The following PPP1R1C variants were observed in gnomAD, a reference collection of about 807,000 sequenced individuals.
PPP1R1C encodes the protein protein phosphatase 1 regulatory inhibitor subunit 1C, also known as protein phosphatase 1 regulatory subunit 1C.
A neutral mutation model predicts 17.4 loss-of-function variants in PPP1R1C; 15 were observed. The observed-to-expected ratio is 0.86, with a 90% CI of 0.58 to 1.33. The LOEUF (loss-of-function observed/expected upper bound fraction) is 1.33. Ranked by LOEUF, PPP1R1C falls within the 40% of genes most tolerant of loss-of-function variation. The pLI is 0.00. For missense variants in PPP1R1C, 143 were observed against 130.0 expected, an observed-to-expected ratio of 1.10 and a Z score of -0.48; for synonymous variants, 35 against 43.1, an observed-to-expected ratio of 0.81 and a Z score of 0.73.
intron 2 of PPP1R1C, among the ~76,000 whole-genome samples, chr2:182,030,460 G>T (rs1021420594): frequency 1.3e-5 from 2 of 150,836 alleles, no homozygotes; most frequent in Admixed American, 1.3e-4. Flanking sequence ...AGGTCTGTTG[G>T]AATACCCTGC....
intron 2 of PPP1R1C, among the ~76,000 whole-genome samples, chr2:181,998,906 T>C (rs1006823715): frequency 7.2e-5 from 11 of 152,212 alleles, no homozygotes; most frequent in Non-Finnish European, 1.5e-4. Context: ...CACCATCACA[T>C]TTCAGTGAAG....
intron 2 of PPP1R1C, among the ~76,000 whole-genome samples, chr2:182,051,527 C>A (rs182662331): frequency 3.2e-4 from 49 of 152,178 alleles, no homozygotes; most frequent in African/African-American, 1.1e-3. Context: ...TTAAAAAAAA[C>A]GGTCACGAAA....
At chr2:182,094,825 G>C (rs930912374) in intron 4 of PPP1R1C, among the ~76,000 whole-genome samples, 2 of 152,164 alleles carry the variant, frequency 1.3e-5, no homozygotes, top group Non-Finnish European at 2.9e-5. Flanking sequence ...AATGGATTAA[G>C]GTAGGCCAGG....
chr2:182,019,120 A>T (rs1276182738), intron 2 of PPP1R1C, among the ~76,000 whole-genome samples: 1 of 152,228 alleles, frequency 6.6e-6, no homozygotes, highest in African/African-American at 2.4e-5. Flanking sequence ...CAACAACTCA[A>T]CTTCAAAAAT....
At position 181,967,139 on chromosome 2, in the gene PPP1R1C, G is replaced by A. The variant is rs1241225656; in HGVS notation, n.112-8080G>A. On this transcript the variant is annotated intron_variant and non_coding_transcript_variant, in intron 1 of 5. Transcript: ENST00000464264. This position sits in a 1 kb window ranked among gnomAD's most constrained non-coding sequence, Gnocchi z 5.5. ...CATCCTTTGAATTTCTGTGTTATTT[G>A]TTGTAATGTCTTCTTTTTTGTCTCT... Among the ~76,000 whole-genome samples the A allele has an allele frequency of 3.3e-5, 5 of 152,032 alleles. No individual in the cohort carries two copies. Among genetic ancestry groups the A allele is most frequent in the Non-Finnish European group, 5.9e-5 (4 of 67,990 alleles).
intron 2 of PPP1R1C, among the ~76,000 whole-genome samples, chr2:182,011,680 T>G (rs992676919): frequency 6.6e-6 from 1 of 152,108 alleles, no homozygotes; most frequent in Non-Finnish European, 1.5e-5. Flanking sequence ...TGCTCTTGCT[T>G]TTCTAGTTCC....
intron 4 of PPP1R1C, among the ~76,000 whole-genome samples, chr2:182,095,045 C>T (rs930789912): frequency 3.9e-5 from 6 of 152,170 alleles, no homozygotes; most frequent in Non-Finnish European, 7.3e-5. Context: ...AATCCCAGCA[C>T]TCTGGGAGGC....
At chr2:182,035,787 A>G (rs893875025) in intron 2 of PPP1R1C, among the ~76,000 whole-genome samples, 1 of 152,196 alleles carries the variant, frequency 6.6e-6, no homozygotes, top group Non-Finnish European at 1.5e-5. Context: ...CTGTGAGTCA[A>G]TTAAACCTCT....
chr2:182,005,459 T>C (rs1685890529), intron 2 of PPP1R1C, among the ~76,000 whole-genome samples: 1 of 152,194 alleles, frequency 6.6e-6, no homozygotes, highest in Non-Finnish European at 1.5e-5. Flanking sequence ...GGGAGCAACA[T>C]TTTTCATTCT....
chr2:182,024,877 C>CAAACA (rs1377102092), intron 2 of PPP1R1C, among the ~76,000 whole-genome samples: 2 of 150,362 alleles, frequency 1.3e-5, no homozygotes, highest in Non-Finnish European at 3.0e-5. Context: ...AACAAACAAA[C>CAAACA]AAACAAACAA....
intron 5 of PPP1R1C, among the ~76,000 whole-genome samples, chr2:182,128,657 C>T (rs1038093322): frequency 2.6e-5 from 4 of 151,996 alleles, no homozygotes; most frequent in Non-Finnish European, 5.9e-5. Context: ...TGTATATATG[C>T]ATGTATGTAT....
downstream of PPP1R1C, among the ~76,000 whole-genome samples, chr2:182,119,053 C>G (rs550331610): frequency 1.3e-5 from 2 of 152,042 alleles, no homozygotes; most frequent in African/African-American, 4.8e-5. Context: ...ATCCCTCCCC[C>G]CACCACCCAC....
At chr2:181,973,000 G>A (rs1279899214) in intron 1 of PPP1R1C, among the ~76,000 whole-genome samples, 2 of 151,946 alleles carry the variant, frequency 1.3e-5, no homozygotes, top group Non-Finnish European at 2.9e-5. Context: ...CATATGTTAC[G>A]CTTTTTAAAA....
rs1276574256 is a variant in PPP1R1C, at chr2:182,117,354, TA to T, written c.*60del. 1 of 1,254,864 alleles carries T rather than the reference TA, an allele frequency of 8.0e-7. No individual in the cohort carries two copies. Among genetic ancestry groups the T allele is most frequent in the African/African-American group, 1.5e-5 (1 of 65,282 alleles). 77.7% of individuals were successfully genotyped at this position (1,254,864 alleles called of 1,614,324 possible). A position where few individuals can be genotyped will look rare whatever the true frequency, so the allele number is the denominator to read the frequency against. ...TAACTGAACTATTAACTTTTCTGAG[TA>T]TACCATGGAATTCCACTGCTTGACT... On this transcript the variant is annotated 3_prime_UTR_variant, in exon 5 of 5. Coordinates refer to ENST00000682840, the MANE Select transcript of PPP1R1C (RefSeq NM_001080545.3).
In PPP1R1C at chr2:182,117,452, C is replaced by T; in HGVS notation, c.*157C>T. The stretch of plus-strand genomic sequence containing the variant: ...ATGCACATCCTGGAAGTCTCCTTGA[C>T]TGAACTTTAGAACTAAGTACACATT... On this transcript the variant is annotated 3_prime_UTR_variant, in exon 5 of 5. Transcript: ENST00000682840. 1 of 564,578 alleles carries T rather than the reference C, an allele frequency of 1.8e-6. No homozygotes were observed. Among genetic ancestry groups the T allele is most frequent in the Non-Finnish European group, 3.2e-6 (1 of 316,896 alleles). 35.0% of individuals were successfully genotyped at this position (564,578 alleles called of 1,614,324 possible).
At chr2:182,088,435 A>T (rs1334316097) in intron 4 of PPP1R1C, among the ~76,000 whole-genome samples, 1 of 152,204 alleles carries the variant, frequency 6.6e-6, no homozygotes, top group Non-Finnish European at 1.5e-5. Flanking sequence ...TCACTAAACT[A>T]GTAACCATTG....
chr2:182,015,632 C>A (rs1026219668), intron 2 of PPP1R1C, among the ~76,000 whole-genome samples: 1 of 152,102 alleles, frequency 6.6e-6, no homozygotes, highest in African/African-American at 2.4e-5. Flanking sequence ...GGTGATGAAT[C>A]TTGCTAGTAC....
At chr2:181,963,577 A>G (rs1299128672) in intron 1 of PPP1R1C, among the ~76,000 whole-genome samples, 1 of 152,178 alleles carries the variant, frequency 6.6e-6, no homozygotes, top group Admixed American at 6.5e-5. Flanking sequence ...CCCGGGAGGC[A>G]GAGGTTGCAG....
At chr2:182,029,690 C>G (rs1225869009) in intron 2 of PPP1R1C, among the ~76,000 whole-genome samples, 3 of 111,884 alleles carry the variant, frequency 2.7e-5, no homozygotes, top group Non-Finnish European at 5.4e-5. Context: ...AATTATGTGT[C>G]TTGGAGTTGC....
Sources: allele counts gnomAD v4.1 joint callset (sites outside exome capture counted in the v4.1 genomes callset), GRCh38; gene constraint gnomAD v4.1.1; non-coding constraint Gnocchi (gnomAD v3.1); transcripts MANE v1.5; gene names NCBI Gene and HGNC (gene_info 2026-07-23, HGNC 2026-07-21).